Variants in RBFOX1 observed in about 807,000 individuals in gnomAD.
The protein encoded by RBFOX1 is RNA binding protein fox-1 homolog 1.
Under a neutral mutation model 57.7 loss-of-function variants are expected in RBFOX1, and 8 were observed. That is an observed-to-expected ratio of 0.14 (90% CI 0.08 to 0.25). RBFOX1 has a LOEUF of 0.25. RBFOX1 is among the 10% of genes least tolerant of loss of function. The pLI is 1.00. For synonymous variants in RBFOX1, 326 were observed against 222.4 expected (o/e 1.47, Z -4.15); for missense variants, 611 against 548.5 (o/e 1.11, Z -1.14).
At chr16:7,666,531 C>G (rs1160348067) in intron 13 of RBFOX1, among the ~76,000 whole-genome samples, 1 of 152,080 alleles carries the variant, frequency 6.6e-6, no homozygotes, top group Non-Finnish European at 1.5e-5. Flanking sequence ...ATGCAGATAT[C>G]AAATTGGTGT....
chr16:7,001,083 G>C (rs969223172), intron 3 of RBFOX1, among the ~76,000 whole-genome samples: 7 of 152,128 alleles, frequency 4.6e-5, no homozygotes, highest in African/African-American at 1.7e-4. Context: ...TTACCCCAAG[G>C]TAGAGTTCAT....
chr16:5,492,326 T>G (rs1024159701), intron 2 of RBFOX1, among the ~76,000 whole-genome samples: 5 of 152,222 alleles, frequency 3.3e-5, no homozygotes, highest in African/African-American at 1.2e-4. Flanking sequence ...GCATATTCAC[T>G]TAGTACTTCC....
At chr16:6,969,520 A>T (rs1289374795) in intron 3 of RBFOX1, among the ~76,000 whole-genome samples, 3 of 151,996 alleles carry the variant, frequency 2.0e-5, no homozygotes, top group African/African-American at 7.2e-5. Context: ...GGATCGATTG[A>T]GCTCGGGAGT....
intron 4 of RBFOX1, among the ~76,000 whole-genome samples, chr16:5,903,832 C>T (rs181069852): frequency 4.6e-5 from 7 of 152,096 alleles, no homozygotes; most frequent in East Asian, 1.9e-4. Flanking sequence ...GTTTTCATTG[C>T]GAGGGACCAT....
At chr16:7,274,736 G>C (rs924402110) in intron 4 of RBFOX1, among the ~76,000 whole-genome samples, 1 of 151,912 alleles carries the variant, frequency 6.6e-6, no homozygotes. Context: ...CCAAGCTGCA[G>C]TGCAGTAAGA....
At chr16:5,467,519 T>A (rs1049670657) in intron 2 of RBFOX1, among the ~76,000 whole-genome samples, 1 of 152,170 alleles carries the variant, frequency 6.6e-6, no homozygotes. Flanking sequence ...AGGCAGGCAG[T>A]TAAACAGCTT....
intron 3 of RBFOX1, among the ~76,000 whole-genome samples, chr16:5,668,923 C>G (rs1452530772): frequency 1.4e-4 from 22 of 152,112 alleles, no homozygotes; most frequent in Admixed American, 1.3e-3. Context: ...GATACTCAGG[C>G]TTTGGTTAGG....
At chr16:5,500,061 C>T (rs1403295327) in intron 2 of RBFOX1, among the ~76,000 whole-genome samples, 1 of 152,070 alleles carries the variant, frequency 6.6e-6, no homozygotes, top group Non-Finnish European at 1.5e-5. Context: ...TCTACTCTCT[C>T]CTAATCATCA....
chr16:5,368,071 C>T (rs1254703665), intron 1 of RBFOX1, among the ~76,000 whole-genome samples: 3 of 152,168 alleles, frequency 2.0e-5, no homozygotes, highest in Non-Finnish European at 4.4e-5. Context: ...GAGCTCTAAC[C>T]AGTCACAAAT....
At chr16:6,261,871 C>CAAAAAG (rs1207955418) in intron 1 of RBFOX1, among the ~76,000 whole-genome samples, 1 of 150,762 alleles carries the variant, frequency 6.6e-6, no homozygotes, top group Non-Finnish European at 1.5e-5. Context: ...AAAACAAAAA[C>CAAAAAG]AAAAAAAACC....
At chr16:6,943,534 C>G (rs7191008) in intron 3 of RBFOX1, among the ~76,000 whole-genome samples, 5,525 of 152,016 alleles carry the variant, frequency 0.036, 348 homozygotes, top group African/African-American at 0.12. Context: ...TGGTGAAACC[C>G]CATCTCTACT....
At chr16:6,507,002 C>T (rs3095509) in intron 2 of RBFOX1, among the ~76,000 whole-genome samples, 124,182 of 151,988 alleles carry the variant, frequency 0.82, 51,248 homozygotes, top group Non-Finnish European at 0.88. Context: ...AGTGAACTTA[C>T]TGTGGTAGAG....
intron 1 of RBFOX1, among the ~76,000 whole-genome samples, chr16:6,046,731 A>G (rs2095499794): frequency 6.6e-6 from 1 of 152,202 alleles, no homozygotes; most frequent in Non-Finnish European, 1.5e-5. Flanking sequence ...AGAGATTTCA[A>G]TAATAATTAG....
chr16:6,701,270 C>T lies in RBFOX1; in HGVS notation c.-16+46620C>T, dbSNP rs72636209. On this transcript the variant is annotated intron_variant, in intron 3 of 15. Coordinates refer to ENST00000550418, the MANE Select transcript of RBFOX1 (RefSeq NM_018723.4). ...GAGCAAGGAGGCTCTCTGCAGCTGA[C>T]GCAGGCCCTGAAGGGGCTGACAGCT... 4.6e-3 allele frequency among the ~76,000 whole-genome samples: 698 copies of T among 152,246 alleles called. 20 individuals carry two copies. In the East Asian group the frequency reaches 0.058, roughly 13 times the overall value.
intron 5 of RBFOX1, among the ~76,000 whole-genome samples, chr16:7,552,710 T>G (rs1229688744): frequency 6.6e-6 from 1 of 152,056 alleles, no homozygotes; most frequent in African/African-American, 2.4e-5. Context: ...TGCAATGGAG[T>G]GTTACTCTGT....
chr16:5,869,454 T>C (rs1053058728), intron 4 of RBFOX1, among the ~76,000 whole-genome samples: 2 of 152,142 alleles, frequency 1.3e-5, no homozygotes, highest in Non-Finnish European at 2.9e-5. Flanking sequence ...CAGGCTGGAG[T>C]ACAGTGGCAC....
chr16:7,149,204 C>T (rs80294717), intron 4 of RBFOX1, among the ~76,000 whole-genome samples: 4,519 of 152,168 alleles, frequency 0.03, 223 homozygotes, highest in African/African-American at 0.1. Flanking sequence ...TTTTTTTATT[C>T]AGAGTCAAGA....
chr16:7,603,924 G>A (rs1372704047), intron 9 of RBFOX1, among the ~76,000 whole-genome samples: 2 of 152,078 alleles, frequency 1.3e-5, no homozygotes, highest in East Asian at 1.9e-4. Flanking sequence ...AATGGACAGG[G>A]GGAAGGAGGA....
intron 3 of RBFOX1, among the ~76,000 whole-genome samples, chr16:6,925,371 T>G (rs8052761): frequency 6.6e-6 from 1 of 151,080 alleles, no homozygotes; most frequent in Non-Finnish European, 1.5e-5. Flanking sequence ...GCGATCTACC[T>G]GCCTTGGTCT....
Sources: allele counts gnomAD v4.1 joint callset (sites outside exome capture counted in the v4.1 genomes callset), GRCh38; gene constraint gnomAD v4.1.1; transcripts MANE v1.5; gene names NCBI Gene and HGNC (gene_info 2026-07-23, HGNC 2026-07-21).